SPTB: variants seen among roughly 807,000 people sequenced by gnomAD.
SPTB encodes spectrin beta chain, erythrocytic.
SPTB carries 45 observed loss-of-function variants against 256.2 expected under a neutral mutation model. The observed-to-expected ratio is 0.18, with a 90% confidence interval of 0.14 to 0.23. The LOEUF (loss-of-function observed/expected upper bound fraction) is 0.23. Ranked by LOEUF, SPTB falls within the 10% of genes least tolerant of loss-of-function variation. The pLI, the probability that SPTB is intolerant of heterozygous loss-of-function variation, is 1.00. For synonymous variants in SPTB, 1,231 were observed against 1,243.1 expected, an observed-to-expected ratio of 0.99 and a Z score of 0.21; for missense variants, 2,715 against 3,040.4, an observed-to-expected ratio of 0.89 and a Z score of 2.52.
intron 32 of SPTB, among the ~76,000 whole-genome samples, chr14:64,761,840 A>T (rs570716562): frequency 1.3e-4 from 20 of 151,692 alleles, no homozygotes; most frequent in African/African-American, 4.1e-4. Flanking sequence ...GAAGACACTG[A>T]CTCCCCCATC....
chr14:64,839,714 T>G (rs1288762042), intron 1 of SPTB, among the ~76,000 whole-genome samples: 1 of 152,194 alleles, frequency 6.6e-6, no homozygotes. Flanking sequence ...TTATTATAAT[T>G]TATTTTTAAG....
rs918255341 is a variant in SPTB at position 64,793,018 on chromosome 14, T to C, written c.2645A>G (p.Asp882Gly). 6.2e-6 allele frequency: 10 copies of C among 1,613,800 alleles called. No individual in the cohort carries two copies. The highest frequency in any genetic ancestry group is 1.1e-5 in the South Asian group (1 of 91,086). ...TGACCTGTGCTGCACGACCTCCAGG[T>C]CCTCCAGGGTGTCTGGCATTTCCAT... Reference protein sequence around the residue: ...AEMEMPDTLEDLEVVQHRFDI... With the variant: ...AEMEMPDTLEGLEVVQHRFDI... Residue 882 changes from aspartate (D) to glycine (G), a missense_variant, in exon 14 of 36, where the codon GAC becomes GGC. Physicochemically the swap from Asp to Gly is moderately conservative, Grantham distance 94. Around this residue, in one of 4 missense-constraint regions of SPTB, gnomAD observed 2,239 missense variants for 2,384.4 expected, o/e 0.94. Coordinates refer to ENST00000644917, the MANE Select transcript of SPTB (RefSeq NM_001355436.2). This position sits in a 1 kb window ranked among gnomAD's most constrained non-coding sequence, Gnocchi z 7.0.
At position 64,775,508 on chromosome 14, in the gene SPTB, C is replaced by T. The variant is rs2082344082; in HGVS notation, c.4564-105G>A. ...TGACACCCTTGGTCCCTCTCACCCC[C>T]GTTGCTAGAGCAGAGCAGGTGATGG... On this transcript the variant is annotated intron_variant, in intron 22 of 35. Transcript: ENST00000644917. This position sits in a 1 kb window ranked among gnomAD's most constrained non-coding sequence, Gnocchi z 5.0. 9 of 1,432,618 alleles carry T rather than the reference C, an allele frequency of 6.3e-6. No homozygotes were observed. Among genetic ancestry groups the T allele is most frequent in the South Asian group, 4.1e-5 (3 of 72,310 alleles). 88.7% of individuals were successfully genotyped at this position (1,432,618 alleles called of 1,614,324 possible). A position where few individuals can be genotyped will look rare whatever the true frequency, so the allele number is the denominator to read the frequency against.
intron 33 of SPTB, 128 bp downstream of exon 33, chr14:64,753,409 G>A: frequency 7.0e-7 from 1 of 1,423,362 alleles, no homozygotes; most frequent in South Asian, 1.2e-5. Context: ...GTGTCTAGGA[G>A]CTCTCACAGG....
At chr14:64,822,816 G>T in intron 2 of SPTB, 131 bp downstream of exon 2, 1 of 1,417,904 alleles carries the variant, frequency 7.1e-7, no homozygotes, top group Non-Finnish European at 9.9e-7. Context: ...CCCTGAGCCC[G>T]ACAAACACGT....
At chr14:64,818,937 G>A (rs1256982227) in intron 2 of SPTB, among the ~76,000 whole-genome samples, 1 of 152,168 alleles carries the variant, frequency 6.6e-6, no homozygotes, top group Non-Finnish European at 1.5e-5. Context: ...AGAGAAGCAT[G>A]GTCTCCAGTC....
At position 64,775,324 on chromosome 14, in the gene SPTB, G is replaced by T; in HGVS notation, c.4643C>A (p.Ala1548Glu). ...CTCAAGGTCCTGGCAGTCGATCTCC[G>T]CCGCCTCCACCAGCTGCTGCCCTCT... is the stretch of plus-strand genomic sequence containing the variant. ...LQRGQQLVEA[A>E]EIDCQDLEER... Residue 1548 changes from alanine (A) to glutamate (E), a missense_variant, in exon 23 of 36, where the codon GCG becomes GAG. Coordinates refer to ENST00000644917, the MANE Select transcript of SPTB (RefSeq NM_001355436.2). The surrounding 1 kb of genome is among the most constrained non-coding windows in gnomAD (Gnocchi z 5.0). 1 of 1,613,014 alleles carries T rather than the reference G, an allele frequency of 6.2e-7. No individual in the cohort carries two copies. Among genetic ancestry groups the T allele is most frequent in the Non-Finnish European group, 8.5e-7 (1 of 1,179,600 alleles).
At position 64,758,001 on chromosome 14, in the gene SPTB, G is replaced by T. The variant is rs531460340; in HGVS notation, c.6346-4208C>A. 1.2e-4 allele frequency among the ~76,000 whole-genome samples: 18 copies of T among 152,276 alleles called. No homozygotes were observed. The East Asian group carries it at 3.5e-3, about 29-fold the overall frequency. On this transcript the variant is annotated intron_variant, in intron 32 of 35. Transcript: ENST00000644917. The surrounding 1 kb of genome is among the most constrained non-coding windows in gnomAD (Gnocchi z 4.6). ...AGACAGGCCTGGAGTGAGAGTCCCT[G>T]GAATTCCATCTGGGGGAAGGGAGAG... is the stretch of plus-strand genomic sequence containing the variant.
chr14:64,773,048 A>G, intron 25 of SPTB, 94 bp from the exon 26 acceptor site: 1 of 1,565,174 alleles, frequency 6.4e-7, no homozygotes, highest in Non-Finnish European at 8.6e-7. Flanking sequence ...CAGCAACTGC[A>G]GCTCCGGGAG....
intron 1 of SPTB, among the ~76,000 whole-genome samples, chr14:64,859,986 A>C (rs2083939390): frequency 6.6e-6 from 1 of 152,206 alleles, no homozygotes; most frequent in Admixed American, 6.5e-5. Flanking sequence ...AGAAAAGGTA[A>C]AATTGCCTAA....
rs1331593364 is a variant in SPTB, at chr14:64,791,722, G to C, written c.2801C>G (p.Thr934Ser). 1 of 1,614,118 alleles carries C rather than the reference G, an allele frequency of 6.2e-7. No individual in the cohort carries two copies. Among genetic ancestry groups the C allele is most frequent in the Non-Finnish European group, 8.5e-7 (1 of 1,180,016 alleles). ...CCATGCCCTACCCACACCCCACCTG[G>C]TGTTCAGATGGTCCTGGTACTGCTT... ...EVKQYQDHLN[T>S]RWQAFQTLVS... is the part of the protein sequence containing the mutation. The change falls in exon 15 of 36, where the codon ACC becomes AGC. Residue 934 changes from threonine (T) to serine (S), a missense_variant. Physicochemically the swap from Thr to Ser is moderately conservative, Grantham distance 58. Transcript: ENST00000644917.
At chr14:64,837,757 C>A (rs767031657) in intron 1 of SPTB, among the ~76,000 whole-genome samples, 1 of 152,138 alleles carries the variant, frequency 6.6e-6, no homozygotes, top group Non-Finnish European at 1.5e-5. Flanking sequence ...TCTGTCACCA[C>A]GCCCGGCTAA....
At chr14:64,860,111 G>A (rs1386352698) in intron 1 of SPTB, among the ~76,000 whole-genome samples, 2 of 152,116 alleles carry the variant, frequency 1.3e-5, no homozygotes, top group African/African-American at 4.8e-5. Context: ...AAAATAGTTT[G>A]GGATGGCAGG....
At chr14:64,773,510 C>T in intron 24 of SPTB, 86 bp from the exon 25 acceptor site, 1 of 1,387,926 alleles carries the variant, frequency 7.2e-7, no homozygotes, top group Non-Finnish European at 1.0e-6. Flanking sequence ...ATGCCAACCA[C>T]AGCCCCCTGG....
intron 1 of SPTB, among the ~76,000 whole-genome samples, chr14:64,877,198 T>C (rs532625480): frequency 3.3e-5 from 5 of 152,010 alleles, no homozygotes; most frequent in Non-Finnish European, 5.9e-5. Context: ...AAAATTATAG[T>C]TCTGTCCTTG....
Position 64,865,952 on chromosome 14 carries a change from C to T in SPTB, c.-52+13840G>A, listed in dbSNP as rs72625639. Among the ~76,000 whole-genome samples the T allele has an allele frequency of 5.8e-4, 88 of 152,296 alleles. 2 individuals are homozygous for T. The East Asian group carries it at 0.015, about 26-fold the overall frequency. The stretch of plus-strand genomic sequence containing the variant: ...AAGATTTCCCAACAGTTCCAGAAAG[C>T]GGTTACAGAATGTAAACACCCACCT... On this transcript the variant is annotated intron_variant, in intron 1 of 35. Coordinates refer to ENST00000644917, the MANE Select transcript of SPTB (RefSeq NM_001355436.2).
At chr14:64,756,628 A>G (rs2082020373) in intron 32 of SPTB, 1 of 152,240 alleles carries the variant, frequency 6.6e-6, no homozygotes, top group South Asian at 2.1e-4. Context: ...CCTTTTGCTT[A>G]CATTACTACT....
In SPTB at chr14:64,855,842, G is replaced by A. The variant is rs73277754; in HGVS notation, c.-52+23950C>T. On this transcript the variant is annotated intron_variant, in intron 1 of 35. Coordinates refer to ENST00000644917, the MANE Select transcript of SPTB (RefSeq NM_001355436.2). ...AGATTGCCTTAGAGGAGCCTCTCTC[G>A]AGCCTCCACCCCTTCCTGTAGGGCT... Among the ~76,000 whole-genome samples the A allele has an allele frequency of 6.3e-3, 963 of 152,288 alleles. 9 individuals carry two copies. Among genetic ancestry groups the A allele is most frequent in the African/African-American group, 0.021 (880 of 41,564 alleles).
intron 1 of SPTB, among the ~76,000 whole-genome samples, chr14:64,865,354 C>T (rs546709462): frequency 5.3e-5 from 8 of 151,824 alleles, no homozygotes; most frequent in South Asian, 2.1e-4. Flanking sequence ...AGGCACTCTA[C>T]GCTGGTAGAA....
Sources: allele counts gnomAD v4.1 joint callset (sites outside exome capture counted in the v4.1 genomes callset), GRCh38; gene constraint gnomAD v4.1.1; regional missense constraint gnomAD v4.1.1; non-coding constraint Gnocchi (gnomAD v3.1); transcripts MANE v1.5; gene names NCBI Gene and HGNC (gene_info 2026-07-23, HGNC 2026-07-21).